The following SLK variants were observed in gnomAD, a reference collection of about 807,000 sequenced individuals.
SLK encodes STE20 like kinase.
In SLK, 67 loss-of-function variants were observed where a neutral mutation model predicts 147.7. The observed-to-expected ratio is 0.45, with a 90% CI of 0.37 to 0.56. The LOEUF (loss-of-function observed/expected upper bound fraction) is 0.56, where lower values mean the gene tolerates loss of function less well. SLK is among the 20% of genes least tolerant of loss of function. SLK has a pLI of 0.00. For synonymous variants in SLK, 441 were observed against 475.0 expected (o/e 0.93, Z 0.93); for missense variants, 1,136 against 1,438.8 (o/e 0.79, Z 3.41).
rs1231940377 is a variant in SLK, at chr10:104,006,147, A to AT, written c.2604+115dup. On this transcript the variant is annotated intron_variant, in intron 11 of 18. Coordinates refer to ENST00000369755, the MANE Select transcript of SLK (RefSeq NM_014720.4). ...GTAGAACTTGTTCTCTGATTGCCAG[A>AT]TTTCTCTAGCTTTGTGATTTATTTC... 13 of 1,078,628 alleles carry AT rather than the reference A, an allele frequency of 1.2e-5. No homozygotes were observed. The East Asian group carries it at 3.2e-4, about 27-fold the overall frequency. The allele number at this position is 1,078,628 out of a possible 1,614,324, so 66.8% of individuals were successfully genotyped here.
rs1399723224 is a variant in SLK at position 104,010,844 on chromosome 10, A to G, written c.2813A>G (p.Lys938Arg). 1.3e-6 allele frequency: 2 copies of G among 1,593,208 alleles called. No homozygotes were observed. The highest frequency in any genetic ancestry group is 2.7e-5 in the African/African-American group (2 of 73,486). Residue 938 changes from lysine (K) to arginine (R), a missense_variant, in exon 13 of 19, where the codon AAA becomes AGA. Physicochemically the swap from Lys to Arg is conservative, Grantham distance 26. Coordinates refer to ENST00000369755, the MANE Select transcript of SLK (RefSeq NM_014720.4). ...EVINEVEKAP[K>R]ELRKELMKRR... The stretch of plus-strand genomic sequence containing the variant: ...ATAAATGAAGTGGAGAAAGCACCCA[A>G]AGAGCTGAGAAAAGAGCTCATGAAA...
intron 1 of SLK, among the ~76,000 whole-genome samples, chr10:103,987,921 C>T (rs544783868): frequency 6.6e-6 from 1 of 152,054 alleles, no homozygotes; most frequent in Non-Finnish European, 1.5e-5. Flanking sequence ...CCCTGCTGGG[C>T]CCGAGAATTA....
intron 1 of SLK, among the ~76,000 whole-genome samples, chr10:103,986,672 T>G (rs1315069286): frequency 7.3e-6 from 1 of 137,298 alleles, no homozygotes; most frequent in Non-Finnish European, 1.6e-5. Context: ...TGAAGAGTTT[T>G]TTTTTTTTTT....
At chr10:103,969,031 C>G (rs1038904268) in intron 1 of SLK, among the ~76,000 whole-genome samples, 1 of 152,068 alleles carries the variant, frequency 6.6e-6, no homozygotes, top group East Asian at 1.9e-4. Context: ...TGCAATAGCG[C>G]GATCTCGGCT....
intron 1 of SLK, among the ~76,000 whole-genome samples, chr10:103,972,190 A>T (rs572560520): frequency 6.6e-6 from 1 of 152,348 alleles, no homozygotes; most frequent in Admixed American, 6.5e-5. Context: ...ACTATTGTAC[A>T]ATTAATGGAT....
chr10:103,978,430 C>T (rs1367757719), intron 1 of SLK, among the ~76,000 whole-genome samples: 6 of 152,038 alleles, frequency 3.9e-5, no homozygotes, highest in Non-Finnish European at 8.8e-5. Context: ...ATTGCTGTTA[C>T]TGTATGAAAT....
In SLK at chr10:104,002,349, G is replaced by C. The variant is rs1399126287; in HGVS notation, c.1171G>C (p.Glu391Gln). 6.2e-7 allele frequency: 1 copy of C among 1,613,436 alleles called. No homozygotes were observed. The highest frequency in any genetic ancestry group is 8.5e-7 in the Non-Finnish European group (1 of 1,179,634). ...LNEKPTTDEP[E>Q]KAVEDINEHI... is the part of the protein sequence containing the mutation. ...TGAAAAACCCACCACTGATGAACCT[G>C]AAAAGGCTGTGGAGGATATTAATGA... The change falls in exon 9 of 19, where the codon GAA (glutamate) becomes CAA (glutamine). Residue 391 changes from glutamate to glutamine, a missense_variant. Glu to Gln is a conservative substitution (Grantham distance 29). Around this residue, in one of 6 missense-constraint regions of SLK, gnomAD observed 516 missense variants for 531.3 expected, o/e 0.97. Transcript: ENST00000369755.
chr10:104,007,593 G>A (rs1295630775), intron 11 of SLK, among the ~76,000 whole-genome samples: 1 of 151,392 alleles, frequency 6.6e-6, no homozygotes, highest in Non-Finnish European at 1.5e-5. Flanking sequence ...GGGCGACAGA[G>A]GGAGATCCTG....
chr10:103,971,276 G>T (rs2864007), intron 1 of SLK, among the ~76,000 whole-genome samples: 121,925 of 151,716 alleles, frequency 0.8, 49,126 homozygotes, highest in East Asian at 0.9. Flanking sequence ...TGTTTTGTTT[G>T]TGTTTTGTTT....
intron 1 of SLK, among the ~76,000 whole-genome samples, chr10:103,980,842 C>A (rs1206593059): frequency 1.3e-5 from 2 of 151,870 alleles, no homozygotes; most frequent in South Asian, 4.2e-4. Context: ...GGGTATATAC[C>A]CAGGAGTGGG....
At chr10:103,996,259 GTGT>G (rs1461551217) in intron 4 of SLK, among the ~76,000 whole-genome samples, 8 of 151,122 alleles carry the variant, frequency 5.3e-5, no homozygotes, top group African/African-American at 1.2e-4. Flanking sequence ...CAGTCATGAA[GTGT>G]TGTTGTTGAA....
chr10:104,021,048 T>A (rs1244072412), intron 17 of SLK, among the ~76,000 whole-genome samples: 3 of 152,214 alleles, frequency 2.0e-5, no homozygotes, highest in Non-Finnish European at 1.5e-5. Flanking sequence ...AAGTTAAATA[T>A]ATGGGAATTT....
intron 1 of SLK, among the ~76,000 whole-genome samples, chr10:103,975,423 C>T (rs911677446): frequency 6.6e-6 from 1 of 152,128 alleles, no homozygotes; most frequent in Admixed American, 6.5e-5. Context: ...CCCGCCAAAC[C>T]TAATTAAACA....
Position 104,028,626 on chromosome 10 carries a change from C to T in SLK, c.*2906C>T, listed in dbSNP as rs1844627810. The T allele has an allele frequency of 6.6e-6, 1 of 152,214 alleles. No individual in the cohort carries two copies. The highest frequency in any genetic ancestry group is 6.5e-5 in the Admixed American group (1 of 15,284). 9.4% of individuals were successfully genotyped at this position (152,214 alleles called of 1,614,324 possible). A position where few individuals can be genotyped will look rare whatever the true frequency, so the allele number is the denominator to read the frequency against. On this transcript the variant is annotated 3_prime_UTR_variant, in exon 19 of 19. Transcript: ENST00000369755. The stretch of plus-strand genomic sequence containing the variant: ...CATACTTCCTCAAGCACAAAGCTCT[C>T]AGGCATATGAGACCCACCTTAATGA...
chr10:104,021,758 A>G (rs1248740748), intron 18 of SLK, 25 bp downstream of exon 18: 1 of 1,286,102 alleles, frequency 7.8e-7, no homozygotes, highest in South Asian at 1.2e-5. Flanking sequence ...TTTAATTAAA[A>G]TGATATGTGT....
At position 104,019,722 on chromosome 10, in the gene SLK, A is replaced by C; in HGVS notation, c.3133-12A>C. On this transcript the variant is annotated splice_polypyrimidine_tract_variant and intron_variant, in intron 15 of 18. Coordinates refer to ENST00000369755, the MANE Select transcript of SLK (RefSeq NM_014720.4). ...TTTCTGCGTCACTGGATTCTATTTA[A>C]AACTTTCATAGGAAACAGAGCAAAT... 1 of 1,606,664 alleles carries C rather than the reference A, an allele frequency of 6.2e-7. No individual in the cohort carries two copies. Among genetic ancestry groups the C allele is most frequent in the Non-Finnish European group, 8.5e-7 (1 of 1,173,770 alleles).
At chr10:103,992,141 G>GTTTTTCTTTTTTTTTTTTTTT (rs1844102746) in intron 2 of SLK, among the ~76,000 whole-genome samples, 1 of 91,792 alleles carries the variant, frequency 1.1e-5, no homozygotes, top group Middle Eastern at 8.2e-3. Context: ...TATTTCTTCT[G>GTTTTTCTTTTTTTTTTTTTTT]TTTTTTTTTT....
rs1400937679 is a variant in SLK, at chr10:103,967,663, C to G, written c.-83C>G. 7.9e-7 allele frequency: 1 copy of G among 1,270,610 alleles called. No individual in the cohort carries two copies. The highest frequency in any genetic ancestry group is 1.6e-5 in the African/African-American group (1 of 64,372). The allele number at this position is 1,270,610 out of a possible 1,614,324, so 78.7% of individuals were successfully genotyped here. ...CGCGCCCGCCGCCGCCAGCCGGGCT[C>G]GCGCGGGAGAGCAGGGAAGAGAAAC... On this transcript the variant is annotated 5_prime_UTR_variant, in exon 1 of 19. Coordinates refer to ENST00000369755, the MANE Select transcript of SLK (RefSeq NM_014720.4).
intron 1 of SLK, among the ~76,000 whole-genome samples, chr10:103,988,127 T>C (rs957989788): frequency 1.3e-5 from 2 of 152,206 alleles, no homozygotes; most frequent in Admixed American, 6.5e-5. Flanking sequence ...AGATGTTTAA[T>C]TTAACAAGGT....
Sources: allele counts gnomAD v4.1 joint callset (sites outside exome capture counted in the v4.1 genomes callset), GRCh38; gene constraint gnomAD v4.1.1; regional missense constraint gnomAD v4.1.1; transcripts MANE v1.5; gene names NCBI Gene and HGNC (gene_info 2026-07-23, HGNC 2026-07-21).